Variants in ZNF215 observed in about 807,000 individuals in gnomAD.
ZNF215 encodes the protein zinc finger protein 215.
A neutral mutation model predicts 27.2 loss-of-function variants in ZNF215; 24 were observed. The ratio of observed to expected loss-of-function variants is 0.88; its 90% CI spans 0.64 to 1.24. The LOEUF (loss-of-function observed/expected upper bound fraction) is 1.24. ZNF215 is among the 50% of genes most tolerant of loss of function. The pLI is 0.00. For synonymous variants in ZNF215, 210 were observed against 204.0 expected (o/e 1.03, Z -0.25); for missense variants, 675 against 605.7 (o/e 1.11, Z -1.20).
chr11:6,963,893 G>A (rs1850565100), intron 5 of ZNF215, among the ~76,000 whole-genome samples: 1 of 152,038 alleles, frequency 6.6e-6, no homozygotes, highest in African/African-American at 2.4e-5. Context: ...TGTGAGCTAA[G>A]TGAAATTATG....
chr11:6,956,676 G>A lies in ZNF215; in HGVS notation c.*145G>A. 1 of 1,388,582 alleles carries A rather than the reference G, an allele frequency of 7.2e-7. No homozygotes were observed. Among genetic ancestry groups the A allele is most frequent in the Non-Finnish European group, 9.3e-7 (1 of 1,079,214 alleles). 86.0% of individuals were successfully genotyped at this position (1,388,582 alleles called of 1,614,324 possible). A position where few individuals can be genotyped will look rare whatever the true frequency, so the allele number is the denominator to read the frequency against. ...TAAATGATATCACAGAATTAATGTT[G>A]GATAGAAATATCATTGGATAGAAAT... On this transcript the variant is annotated 3_prime_UTR_variant, in exon 7 of 7. Transcript: ENST00000278319.
chr11:6,983,219 C>A (rs1285990722), intron 5 of ZNF215, among the ~76,000 whole-genome samples: 3 of 152,096 alleles, frequency 2.0e-5, no homozygotes, highest in Admixed American at 6.6e-5. Flanking sequence ...AAGAAGTTGA[C>A]TCTCTGAATA....
chr11:6,965,883 G>A (rs903492562), intron 5 of ZNF215, among the ~76,000 whole-genome samples: 6 of 151,920 alleles, frequency 3.9e-5, no homozygotes, highest in African/African-American at 1.5e-4. Flanking sequence ...TCTTTTTCTT[G>A]TATGCCTTGG....
chr11:6,977,213 A>T (rs1235916011), intron 5 of ZNF215, among the ~76,000 whole-genome samples: 1 of 152,028 alleles, frequency 6.6e-6, no homozygotes, highest in Non-Finnish European at 1.5e-5. Flanking sequence ...TTAAATGGAA[A>T]ATTCCAGAAA....
At chr11:6,947,496 G>T (rs1273775680) in intron 6 of ZNF215, among the ~76,000 whole-genome samples, 1 of 152,006 alleles carries the variant, frequency 6.6e-6, no homozygotes, top group Non-Finnish European at 1.5e-5. Context: ...AGCTATGATT[G>T]TATCACTGCA....
At chr11:6,941,053 A>T (rs1849617042) in intron 3 of ZNF215, among the ~76,000 whole-genome samples, 1 of 152,194 alleles carries the variant, frequency 6.6e-6, no homozygotes, top group Non-Finnish European at 1.5e-5. Context: ...GTTGTCCCTC[A>T]GAATTTTATG....
chr11:6,976,795 G>C (rs966788234), intron 5 of ZNF215, among the ~76,000 whole-genome samples: 1 of 152,046 alleles, frequency 6.6e-6, no homozygotes, highest in South Asian at 2.1e-4. Flanking sequence ...ACATGTATAT[G>C]TTTTCTGTTT....
Position 6,930,146 on chromosome 11 carries a change from C to G in ZNF215, c.-179-1948C>G, listed in dbSNP as rs1359125953. Among the ~76,000 whole-genome samples the G allele has an allele frequency of 2.3e-4, 34 of 148,956 alleles. No individual in the cohort carries two copies. The Admixed American group carries it at 2.3e-3, about 10-fold the overall frequency. On this transcript the variant is annotated intron_variant, in intron 2 of 6. Coordinates refer to ENST00000278319, the MANE Select transcript of ZNF215 (RefSeq NM_013250.4). The stretch of plus-strand genomic sequence containing the variant: ...AGCATTTCTTTACTTTCTGGCAGTA[C>G]AAGATGCCCCATGCTTATGTTGCAT...
chr11:6,951,889 C>G (rs868290388), intron 6 of ZNF215, among the ~76,000 whole-genome samples: 3 of 152,262 alleles, frequency 2.0e-5, no homozygotes, highest in Non-Finnish European at 2.9e-5. Context: ...AAATTTCCCT[C>G]TACACACTGC....
At chr11:6,991,948 G>A (rs976971970), downstream of ZNF215, among the ~76,000 whole-genome samples, 2 of 152,158 alleles carry the variant, frequency 1.3e-5, no homozygotes, top group Non-Finnish European at 2.9e-5. Flanking sequence ...ATAACGTTGT[G>A]TAGTCCCCTT....
At chr11:6,935,685 T>G (rs796697674) in intron 3 of ZNF215, among the ~76,000 whole-genome samples, 4 of 152,242 alleles carry the variant, frequency 2.6e-5, no homozygotes, top group African/African-American at 7.2e-5. Flanking sequence ...ATAGAAGACT[T>G]GAGAAACACC....
intron 6 of ZNF215, among the ~76,000 whole-genome samples, chr11:6,955,014 G>A (rs941799136): frequency 2.6e-5 from 4 of 152,206 alleles, no homozygotes; most frequent in Non-Finnish European, 4.4e-5. Flanking sequence ...CAGGTGAAAG[G>A]AAGAGACCCA....
At chr11:6,983,858 A>G (rs1851010362) in intron 5 of ZNF215, among the ~76,000 whole-genome samples, 1 of 152,006 alleles carries the variant, frequency 6.6e-6, no homozygotes, top group Non-Finnish European at 1.5e-5. Flanking sequence ...GGCAAAGAAT[A>G]TAATCCAAAA....
chr11:6,974,683 G>A (rs1431715625), intron 5 of ZNF215, among the ~76,000 whole-genome samples: 2 of 151,488 alleles, frequency 1.3e-5, no homozygotes, highest in East Asian at 3.9e-4. Flanking sequence ...TCATGATTTG[G>A]CTCTCTGTTT....
chr11:6,942,908 T>A (rs1382696924), intron 4 of ZNF215, among the ~76,000 whole-genome samples, 175 bp from the exon 5 acceptor site: 4 of 152,206 alleles, frequency 2.6e-5, no homozygotes, highest in African/African-American at 4.8e-5. Context: ...CCAATTTGTT[T>A]GGCCCTTACT....
intron 4 of ZNF215, among the ~76,000 whole-genome samples, chr11:6,941,946 A>C (rs1849644714): frequency 6.6e-6 from 1 of 152,250 alleles, no homozygotes; most frequent in African/African-American, 2.4e-5. Flanking sequence ...AATCCAGAGC[A>C]ATGTCGCTTA....
At chr11:6,959,591 A>G (rs1793999076), downstream of ZNF215, among the ~76,000 whole-genome samples, 1 of 152,260 alleles carries the variant, frequency 6.6e-6, no homozygotes, top group African/African-American at 2.4e-5. Flanking sequence ...TAAGGTAAAT[A>G]TAGCAACTTT....
chr11:6,993,346 A>G (rs1851139684), downstream of ZNF215, among the ~76,000 whole-genome samples: 2 of 151,980 alleles, frequency 1.3e-5, no homozygotes, highest in Non-Finnish European at 2.9e-5. Context: ...TGGCAACACT[A>G]TTTCCTACTT....
chr11:6,948,612 A>G (rs1356113081), intron 6 of ZNF215, among the ~76,000 whole-genome samples: 2 of 152,176 alleles, frequency 1.3e-5, no homozygotes, highest in African/African-American at 4.8e-5. Context: ...GATGTCCTAG[A>G]AAGTGATGAA....
Sources: gnomAD v4.1 joint callset for allele counts (sites outside exome capture counted in the v4.1 genomes callset) on GRCh38, gnomAD v4.1.1 for gene constraint, MANE v1.5 for transcripts, NCBI Gene and HGNC (gene_info 2026-07-23, HGNC 2026-07-21) for gene names.